Variants in TM2D1 observed in about 807,000 individuals in gnomAD.
TM2D1 encodes the protein TM2 domain containing 1.
TM2D1 carries 15 observed loss-of-function variants against 28.4 expected under a neutral mutation model. That is an observed-to-expected ratio of 0.53 (90% CI 0.35 to 0.81). The LOEUF is 0.81. Ranked by LOEUF, TM2D1 falls within the 40% of genes least tolerant of loss-of-function variation. TM2D1 has a pLI of 0.01. For synonymous variants in TM2D1, 93 were observed against 96.2 expected, an observed-to-expected ratio of 0.97 and a Z score of 0.20; for missense variants, 236 against 254.9, an observed-to-expected ratio of 0.93 and a Z score of 0.50.
At chr1:61,687,024 T>A (rs1263727342) in intron 5 of TM2D1, 1 of 965,182 alleles carries the variant, frequency 1.0e-6, no homozygotes, top group African/African-American at 1.8e-5. Context: ...AACCCAAAAT[T>A]ATGAGTTTAT....
At chr1:61,721,353 C>T (rs925418510) in intron 2 of TM2D1, among the ~76,000 whole-genome samples, 1 of 151,954 alleles carries the variant, frequency 6.6e-6, no homozygotes, top group Admixed American at 6.6e-5. Flanking sequence ...ACCAACCTGG[C>T]CAATACGGCG....
At chr1:61,704,559 G>A (rs184708113) in intron 3 of TM2D1, among the ~76,000 whole-genome samples, 2 of 152,016 alleles carry the variant, frequency 1.3e-5, no homozygotes, top group East Asian at 2.0e-4. Context: ...AGCCTCCCGC[G>A]TAGCTAGGAT....
chr1:61,725,116 G>A lies in TM2D1; in HGVS notation c.5C>T (p.Ala2Val). The change falls in exon 1 of 7, where the codon GCG (alanine) becomes GTG (valine). Residue 2 changes from alanine (A) to valine (V), a missense_variant. Around this residue, in one of 3 missense-constraint regions of TM2D1, gnomAD observed 167 missense variants for 162.7 expected, o/e 1.03. Coordinates refer to ENST00000606498, the MANE Select transcript of TM2D1 (RefSeq NM_032027.3). Reference sequence around the variant, plus strand: ...AGACGGACCAGACGGCCAGGCGGCCGCCATCTTGGAGACCGACACTTTCTC... The same window carrying A: ...AGACGGACCAGACGGCCAGGCGGCCACCATCTTGGAGACCGACACTTTCTC... Reference protein sequence around the residue: MAAAWPSGPSAP... With the variant: MVAAWPSGPSAP... The A allele has an allele frequency of 3.7e-6, 6 of 1,613,562 alleles. No individual in the cohort carries two copies. The highest frequency in any genetic ancestry group is 5.1e-6 in the Non-Finnish European group (6 of 1,179,860).
At chr1:61,717,491 A>G (rs1013882074) in intron 2 of TM2D1, among the ~76,000 whole-genome samples, 2 of 152,230 alleles carry the variant, frequency 1.3e-5, no homozygotes, top group African/African-American at 4.8e-5. Flanking sequence ...GTTCTGACCA[A>G]TGTCTAGGAT....
At position 61,709,450 on chromosome 1, in the gene TM2D1, A is replaced by G; in HGVS notation, c.239-13T>C. 2 of 1,580,412 alleles carry G rather than the reference A, an allele frequency of 1.3e-6. No homozygotes were observed. Among genetic ancestry groups the G allele is most frequent in the South Asian group, 2.2e-5 (2 of 90,054 alleles). ...GGAAAACAGGAAACTGAAGGCAGAA[A>G]AAGTCAAGAAACTGTTATTTTTTTT... On this transcript the variant is annotated splice_polypyrimidine_tract_variant and intron_variant, in intron 2 of 6. Transcript: ENST00000606498.
chr1:61,722,967 T>C (rs1028077115), intron 2 of TM2D1, among the ~76,000 whole-genome samples: 1 of 152,150 alleles, frequency 6.6e-6, no homozygotes, highest in African/African-American at 2.4e-5. Flanking sequence ...TTGTTTTGTA[T>C]ATATGGAGAT....
In TM2D1 at chr1:61,681,265, C is replaced by T; in HGVS notation, c.*105G>A. 1 of 152,452 alleles carries T rather than the reference C, an allele frequency of 6.6e-6. No individual in the cohort carries two copies. The highest frequency in any genetic ancestry group is 1.9e-4 in the East Asian group (1 of 5,190). The allele number at this position is 152,452 out of a possible 1,614,324, so 9.4% of individuals were successfully genotyped here. On this transcript the variant is annotated 3_prime_UTR_variant, in exon 7 of 7. Coordinates refer to ENST00000606498, the MANE Select transcript of TM2D1 (RefSeq NM_032027.3). Reference sequence around the variant, plus strand: ...AAAAACCACAAAAAATTATACAGAACTCATAAAATGGTATATGAATGAAAA... The same window carrying T: ...AAAAACCACAAAAAATTATACAGAATTCATAAAATGGTATATGAATGAAAA...
At position 61,697,696 on chromosome 1, in the gene TM2D1, T is replaced by C. The variant is rs553764648; in HGVS notation, c.440-2926A>G. ...AGAACATATCTGTCACACCCAATAG[T>C]TTCCTCATGCCCCTTTGTAATTTCT... is the stretch of plus-strand genomic sequence containing the variant. On this transcript the variant is annotated intron_variant, in intron 4 of 6. Transcript: ENST00000606498. 5.3e-5 allele frequency: 8 copies of C among 152,224 alleles called. No individual in the cohort carries two copies. The South Asian group carries it at 1.4e-3, about 28-fold the overall frequency. 9.4% of individuals were successfully genotyped at this position (152,224 alleles called of 1,614,324 possible).
intron 3 of TM2D1, among the ~76,000 whole-genome samples, chr1:61,702,763 T>C (rs1644411572): frequency 6.6e-6 from 1 of 151,698 alleles, no homozygotes; most frequent in Non-Finnish European, 1.5e-5. Context: ...TATATATATA[T>C]ATGTAACATA....
chr1:61,710,448 GTA>G (rs1210120656), intron 2 of TM2D1, among the ~76,000 whole-genome samples: 2 of 49,594 alleles, frequency 4.0e-5, no homozygotes, highest in South Asian at 1.3e-3. Context: ...AAAAAAAAAT[GTA>G]TATATATATA....
At chr1:61,709,246 C>T in intron 3 of TM2D1, 83 bp downstream of exon 3, 3 of 813,114 alleles carry the variant, frequency 3.7e-6, no homozygotes, top group Non-Finnish European at 6.1e-6. Context: ...GGATAGTCCC[C>T]ATAAATTATC....
chr1:61,694,790 C>A lies in TM2D1; in HGVS notation c.440-20G>T. 6.5e-7 allele frequency: 1 copy of A among 1,542,716 alleles called. No individual in the cohort carries two copies. The highest frequency in any genetic ancestry group is 1.3e-5 in the South Asian group (1 of 79,518). On this transcript the variant is annotated intron_variant, in intron 4 of 6. Transcript: ENST00000606498. The stretch of plus-strand genomic sequence containing the variant: ...ACAAACCTAGAAAAGAAGGTAAAGT[C>A]ATTTATAATCTGGAAGGTCTTCTAA...
At chr1:61,718,315 T>C (rs1387968331) in intron 2 of TM2D1, among the ~76,000 whole-genome samples, 3 of 150,226 alleles carry the variant, frequency 2.0e-5, no homozygotes, top group Non-Finnish European at 4.4e-5. Flanking sequence ...GAGAGAAAAA[T>C]AAAGTTGGCA....
intron 2 of TM2D1, among the ~76,000 whole-genome samples, chr1:61,713,488 C>CAAAAAAAAAAAAAAA (rs369601221): frequency 6.6e-5 from 6 of 91,390 alleles, no homozygotes; most frequent in Non-Finnish European, 9.0e-5. Context: ...AACTCAAAAA[C>CAAAAAAAAAAAAAAA]AAAAAAAAAA....
At chr1:61,703,112 AG>A (rs1171639535) in intron 3 of TM2D1, among the ~76,000 whole-genome samples, 5 of 151,798 alleles carry the variant, frequency 3.3e-5, no homozygotes, top group Admixed American at 2.0e-4. Context: ...TCCAAAAAAC[AG>A]AAAAAAGAAC....
chr1:61,703,731 TA>T (rs1644420325), intron 3 of TM2D1, among the ~76,000 whole-genome samples: 5 of 77,590 alleles, frequency 6.4e-5, no homozygotes, highest in Middle Eastern at 6.0e-3. Flanking sequence ...TATATATATA[TA>T]TATATATATA....
chr1:61,692,920 C>T (rs1482617201), intron 5 of TM2D1, among the ~76,000 whole-genome samples: 1 of 152,078 alleles, frequency 6.6e-6, no homozygotes, highest in Non-Finnish European at 1.5e-5. Context: ...TTAATGTGAT[C>T]GACTCCTAAT....
intron 4 of TM2D1, chr1:61,697,487 G>A (rs942519853): frequency 6.6e-6 from 1 of 152,002 alleles, no homozygotes; most frequent in Admixed American, 6.6e-5. Context: ...TTACAAGTGT[G>A]AGTCACCACA....
intron 5 of TM2D1, 183 bp from the exon 6 acceptor site, chr1:61,683,729 T>G (rs1644264198): frequency 2.6e-6 from 1 of 391,318 alleles, no homozygotes; most frequent in Admixed American, 5.0e-5. Flanking sequence ...TATACTGGGA[T>G]AGCTCAAAGG....
Sources: gnomAD v4.1 joint callset for allele counts (sites outside exome capture counted in the v4.1 genomes callset) on GRCh38, gnomAD v4.1.1 for gene constraint, gnomAD v4.1.1 regional missense constraint, MANE v1.5 for transcripts, NCBI Gene and HGNC (gene_info 2026-07-23, HGNC 2026-07-21) for gene names.